DCTN4: variants seen among roughly 807,000 people sequenced by gnomAD.
DCTN4 encodes the protein dynactin 4 (p62).
In DCTN4, 23 loss-of-function variants were observed where a neutral mutation model predicts 62.7. That is an observed-to-expected ratio of 0.37 (90% CI 0.26 to 0.52). The LOEUF (loss-of-function observed/expected upper bound fraction) is 0.52, where lower values mean the gene tolerates loss of function less well. DCTN4 is among the 20% of genes least tolerant of loss of function. The pLI, the probability that DCTN4 is intolerant of heterozygous loss-of-function variation, is 0.92. For missense variants in DCTN4, 514 were observed against 580.4 expected, an observed-to-expected ratio of 0.89 and a Z score of 1.18; for synonymous variants, 199 against 202.1, an observed-to-expected ratio of 0.98 and a Z score of 0.13.
chr5:150,747,402 C>A (rs1404876030), intron 3 of DCTN4, among the ~76,000 whole-genome samples: 1 of 152,198 alleles, frequency 6.6e-6, no homozygotes, highest in Non-Finnish European at 1.5e-5. Context: ...CCCCATCAAG[C>A]TACCAATGAC....
chr5:150,711,107 CGGTGATACT>C lies in DCTN4; in HGVS notation c.*33_*41del, dbSNP rs1759543695. Reference sequence around the variant, plus strand: ...GCTTCCACATTTTAACGCAGGTTTACGGTGATACTGTCCTTTGGGATCTGCCCTCCAGTG... The same window carrying C: ...GCTTCCACATTTTAACGCAGGTTTACGTCCTTTGGGATCTGCCCTCCAGTG... On this transcript the variant is annotated 3_prime_UTR_variant, in exon 13 of 13. Transcript: ENST00000447998. 1 of 1,574,786 alleles carries C rather than the reference CGGTGATACT, an allele frequency of 6.4e-7. No individual in the cohort carries two copies. The highest frequency in any genetic ancestry group is 2.2e-5 in the East Asian group (1 of 44,624).
At chr5:150,722,645 C>A (rs1243177565) in intron 9 of DCTN4, among the ~76,000 whole-genome samples, 1 of 152,146 alleles carries the variant, frequency 6.6e-6, no homozygotes, top group Non-Finnish European at 1.5e-5. Flanking sequence ...TAGTGACTTT[C>A]CACCAAATAA....
chr5:150,749,427 T>C (rs1160059699), intron 3 of DCTN4, among the ~76,000 whole-genome samples: 4 of 152,164 alleles, frequency 2.6e-5, no homozygotes, highest in Non-Finnish European at 5.9e-5. Flanking sequence ...ATGGCTAAAA[T>C]GGGTAAGACT....
chr5:150,756,273 C>T (rs1481982513), intron 2 of DCTN4, 144 bp downstream of exon 2: 5 of 483,122 alleles, frequency 1.0e-5, no homozygotes, highest in African/African-American at 1.0e-4. Context: ...AACCTCTTGA[C>T]CTCGTGATCC....
intron 9 of DCTN4, among the ~76,000 whole-genome samples, chr5:150,722,509 T>C (rs1208588373): frequency 6.6e-6 from 1 of 152,228 alleles, no homozygotes; most frequent in Non-Finnish European, 1.5e-5. Flanking sequence ...CGAAGTGTTA[T>C]AACACAGGTA....
Position 150,733,495 on chromosome 5 carries a change from T to C in DCTN4, c.430-20A>G, listed in dbSNP as rs373616344. The C allele has an allele frequency of 3.2e-6, 5 of 1,574,578 alleles. No individual in the cohort carries two copies. The African/African-American group carries it at 5.4e-5, about 17-fold the overall frequency. ...GTTCATCTGTAAGAAAATCACAGAC[T>C]CAGTACACAAAAAAGCTAACAGAAA... On this transcript the variant is annotated intron_variant, in intron 4 of 12. Coordinates refer to ENST00000447998, the MANE Select transcript of DCTN4 (RefSeq NM_016221.4).
intron 8 of DCTN4, among the ~76,000 whole-genome samples, chr5:150,725,495 T>A (rs1260478916): frequency 6.6e-6 from 1 of 152,100 alleles, no homozygotes; most frequent in African/African-American, 2.4e-5. Flanking sequence ...GTATTTTATA[T>A]TAATTTATTG....
rs1438953219 is a variant in DCTN4, at chr5:150,758,892, G to T, written c.102C>A (p.Ser34Arg). 1.2e-6 allele frequency: 2 copies of T among 1,613,958 alleles called. No homozygotes were observed. The highest frequency in any genetic ancestry group is 1.7e-5 in the Admixed American group (1 of 59,984). ...ACACACATTCCAGCGACCGCAGTTC[G>T]CTACAATAGCGGCAGAAGTAGAGTT... Reference protein sequence around the residue: ...LSQLYFCRYCSELRSLECVSH... With the variant: ...LSQLYFCRYCRELRSLECVSH... Residue 34 changes from serine to arginine, a missense_variant, in exon 1 of 13, where the codon AGC becomes AGA. Coordinates refer to ENST00000447998, the MANE Select transcript of DCTN4 (RefSeq NM_016221.4).
chr5:150,722,817 C>G, intron 9 of DCTN4, 90 bp downstream of exon 9: 1 of 896,652 alleles, frequency 1.1e-6, no homozygotes, highest in Non-Finnish European at 1.7e-6. Flanking sequence ...TTTTTTTAGG[C>G]CAAGAGTAAA....
chr5:150,748,168 C>A lies in DCTN4; in HGVS notation c.385+5311G>T, dbSNP rs761042889. ...TCTCAAAAGAAGACATTTATGCAGCCAAAAGACACATGAAAAAATGCTCAT... is the reference window on the plus strand; with the variant it reads ...TCTCAAAAGAAGACATTTATGCAGCAAAAAGACACATGAAAAAATGCTCAT... On this transcript the variant is annotated intron_variant, in intron 3 of 12. Transcript: ENST00000447998. 6.0e-3 allele frequency among the ~76,000 whole-genome samples: 912 copies of A among 152,160 alleles called. 3 individuals carry two copies. Among genetic ancestry groups the A allele is most frequent in the Non-Finnish European group, 0.011 (718 of 68,008 alleles).
chr5:150,727,379 G>A (rs1471512982), intron 8 of DCTN4, among the ~76,000 whole-genome samples: 1 of 151,998 alleles, frequency 6.6e-6, no homozygotes, highest in African/African-American at 2.4e-5. Context: ...TTTAATATAT[G>A]TATATAAACC....
At chr5:150,712,936 A>G (rs1759622415) in intron 12 of DCTN4, among the ~76,000 whole-genome samples, 1 of 152,232 alleles carries the variant, frequency 6.6e-6, no homozygotes, top group Non-Finnish European at 1.5e-5. Context: ...TGTAAAATAT[A>G]ATTAATTCAG....
intron 3 of DCTN4, among the ~76,000 whole-genome samples, chr5:150,744,586 G>C (rs1760891810): frequency 6.6e-6 from 1 of 152,100 alleles, no homozygotes; most frequent in Non-Finnish European, 1.5e-5. Flanking sequence ...ACTAACAGCG[G>C]ATCTCTCAGC....
intron 8 of DCTN4, among the ~76,000 whole-genome samples, chr5:150,726,711 T>C (rs1215378183): frequency 6.6e-6 from 1 of 152,200 alleles, no homozygotes; most frequent in Non-Finnish European, 1.5e-5. Context: ...ATTACCTTCC[T>C]TGGATTTGTA....
chr5:150,738,441 G>C (rs12653281), intron 4 of DCTN4, among the ~76,000 whole-genome samples: 11,475 of 152,084 alleles, frequency 0.075, 567 homozygotes, highest in East Asian at 0.24. Flanking sequence ...TTAATACCAG[G>C]GATGCAGGGA....
intron 2 of DCTN4, chr5:150,755,586 C>T (rs975817770): frequency 4.4e-6 from 2 of 456,120 alleles, no homozygotes; most frequent in African/African-American, 2.0e-5. Flanking sequence ...AAAAAAACAT[C>T]ATGCAAATCC....
rs569331197 is a variant in DCTN4, at chr5:150,725,031, G to T, written c.835-2051C>A. Among the ~76,000 whole-genome samples the T allele has an allele frequency of 3.3e-5, 5 of 151,590 alleles. No individual in the cohort carries two copies. The South Asian group carries it at 8.3e-4, about 25-fold the overall frequency. ...AAATTAGCCAGGCGTAGTGGCGGGC[G>T]CCTGTAGTCCCAGCTACACGGGAGG... On this transcript the variant is annotated intron_variant, in intron 8 of 12. Coordinates refer to ENST00000447998, the MANE Select transcript of DCTN4 (RefSeq NM_016221.4).
At chr5:150,746,670 A>G (rs1371023503) in intron 3 of DCTN4, among the ~76,000 whole-genome samples, 5 of 152,252 alleles carry the variant, frequency 3.3e-5, no homozygotes, top group African/African-American at 1.2e-4. Flanking sequence ...GCATATAAAC[A>G]GAGCCAAAGA....
In DCTN4 at chr5:150,709,007, A is replaced by T. The variant is rs1759469192; in HGVS notation, c.*2142T>A. 6.5e-6 allele frequency: 1 copy of T among 152,910 alleles called. No homozygotes were observed. The highest frequency in any genetic ancestry group is 1.9e-4 in the East Asian group (1 of 5,318). 9.5% of individuals were successfully genotyped at this position (152,910 alleles called of 1,614,324 possible). Reference sequence around the variant, plus strand: ...AGCTGTAGTTTCAAGTGCTAATGGGATCTAACTTTCCTGTGGTGGTGCATA... The same window carrying T: ...AGCTGTAGTTTCAAGTGCTAATGGGTTCTAACTTTCCTGTGGTGGTGCATA... On this transcript the variant is annotated 3_prime_UTR_variant, in exon 13 of 13. Coordinates refer to ENST00000447998, the MANE Select transcript of DCTN4 (RefSeq NM_016221.4).
Sources: allele counts gnomAD v4.1 joint callset (sites outside exome capture counted in the v4.1 genomes callset), GRCh38; gene constraint gnomAD v4.1.1; transcripts MANE v1.5; gene names NCBI Gene and HGNC (gene_info 2026-07-23, HGNC 2026-07-21).